Variants in FNTB observed in about 807,000 individuals in gnomAD.
FNTB encodes the protein farnesyltransferase, CAAX box, subunit beta.
Under a neutral mutation model 59.4 loss-of-function variants are expected in FNTB, and 27 were observed. That is an observed-to-expected ratio of 0.45 (90% CI 0.34 to 0.63). The LOEUF is 0.63. Among genes scored for constraint, FNTB ranks in the 20% least tolerant of loss-of-function variants. The probability of loss-of-function intolerance (pLI) is 0.02; values close to 1 mark genes in which losing one functional copy is unlikely to be tolerated. For missense variants in FNTB, 449 were observed against 559.6 expected (o/e 0.80, Z 1.99); for synonymous variants, 230 against 220.7 (o/e 1.04, Z -0.37).
chr14:65,022,044 G>C (rs915038835), intron 4 of FNTB: 1 of 455,922 alleles, frequency 2.2e-6, no homozygotes, highest in Non-Finnish European at 4.4e-6. Context: ...GTCTGACTCT[G>C]TGAGCAGCAG....
chr14:64,987,103 G>A lies in FNTB; in HGVS notation c.144+6G>A. The A allele has an allele frequency of 6.2e-7, 1 of 1,614,142 alleles. No homozygotes were observed. Among genetic ancestry groups the A allele is most frequent in the Non-Finnish European group, 8.5e-7 (1 of 1,180,044 alleles). On this transcript the variant is annotated splice_donor_region_variant and intron_variant, in intron 1 of 11. Transcript: ENST00000246166. ...CAGTCACGTCCATAGAACAGGTGAG[G>A]TGGCAGGACTGGGCGAGGCGCCCGC...
rs187452348 is a variant in FNTB at position 65,049,112 on chromosome 14, G to A, written c.956-4126G>A. ...GTTGCACTCCAGCCTGGGTAACAGG[G>A]CAGGACTCCGTCTAAAAAAAAAAAA... On this transcript the variant is annotated intron_variant, in intron 9 of 11. Transcript: ENST00000246166. Among the ~76,000 whole-genome samples the A allele has an allele frequency of 4.8e-4, 69 of 144,108 alleles. 1 individual carries two copies. Among genetic ancestry groups the A allele is most frequent in the Non-Finnish European group, 4.2e-4 (28 of 66,396 alleles). The allele number at this position is 144,108 out of a possible 152,430, so 94.5% of individuals were successfully genotyped here. A position where few individuals can be genotyped will look rare whatever the true frequency, so the allele number is the denominator to read the frequency against.
chr14:64,987,324 A>G, intron 1 of FNTB: 1 of 591,260 alleles, frequency 1.7e-6, no homozygotes, highest in South Asian at 2.0e-5. Context: ...CTTGGAGGAG[A>G]GGGCAGTAGC....
At chr14:65,002,896 C>A (rs1022058845) in intron 1 of FNTB, among the ~76,000 whole-genome samples, 2 of 152,178 alleles carry the variant, frequency 1.3e-5, no homozygotes, top group Non-Finnish European at 2.9e-5. Flanking sequence ...TGCTGGACTT[C>A]AAAGTCTGAA....
In FNTB at chr14:64,986,965, G is replaced by A. The variant is rs749196775; in HGVS notation, c.12G>A (p.Pro4=). MAS[P]SSFTYYCPPS... ...CTGCTCTCCTGATCATGGCTTCTCCGAGTTCTTTCACCTACTATTGCCCTC... is the reference window on the plus strand; with the variant it reads ...CTGCTCTCCTGATCATGGCTTCTCCAAGTTCTTTCACCTACTATTGCCCTC... The change falls in exon 1 of 12, where the codon CCG becomes CCA. Residue 4 remains proline, a synonymous_variant. Coordinates refer to ENST00000246166, the MANE Select transcript of FNTB (RefSeq NM_002028.4). 5 of 1,614,222 alleles carry A rather than the reference G, an allele frequency of 3.1e-6. No homozygotes were observed. The highest frequency in any genetic ancestry group is 2.2e-5 in the South Asian group (2 of 91,090).
At chr14:65,037,402 CCTTTTT>C (rs1199770372) in intron 7 of FNTB, among the ~76,000 whole-genome samples, 349 of 14,512 alleles carry the variant, frequency 0.024, 139 homozygotes, top group East Asian at 0.064. Context: ...CACGCCGGGC[CCTTTTT>C]TTTTTTTTTT....
intron 8 of FNTB, among the ~76,000 whole-genome samples, chr14:65,043,649 C>T (rs1052293059): frequency 2.0e-5 from 3 of 151,250 alleles, no homozygotes; most frequent in Non-Finnish European, 2.9e-5. Context: ...GGTGAAACCC[C>T]GTCTCTACTA....
At chr14:65,008,509 G>A (rs143583815) in intron 2 of FNTB, among the ~76,000 whole-genome samples, 8 of 152,356 alleles carry the variant, frequency 5.3e-5, no homozygotes, top group African/African-American at 7.2e-5. Flanking sequence ...TACAGTTACC[G>A]ATGGGATAAT....
intron 7 of FNTB, among the ~76,000 whole-genome samples, chr14:65,035,954 C>T (rs953798400): frequency 2.0e-4 from 30 of 151,082 alleles, no homozygotes; most frequent in African/African-American, 7.3e-4. Flanking sequence ...ACCTCAGCCT[C>T]CTGAGTAGCA....
rs577970252 is a variant in FNTB, at chr14:64,997,799, A to G, written c.145-6450A>G. Reference sequence around the variant, plus strand: ...TTGGTAAGAGTTCCTAGTGGCTTAGAGTCATCCTTGTCTCCCTGGTACAGA... The same window carrying G: ...TTGGTAAGAGTTCCTAGTGGCTTAGGGTCATCCTTGTCTCCCTGGTACAGA... On this transcript the variant is annotated intron_variant, in intron 1 of 11. Coordinates refer to ENST00000246166, the MANE Select transcript of FNTB (RefSeq NM_002028.4). The surrounding 1 kb of genome is among the most constrained non-coding windows in gnomAD (Gnocchi z 4.5). 6.6e-6 allele frequency among the ~76,000 whole-genome samples: 1 copy of G among 152,336 alleles called. No individual in the cohort carries two copies. Among genetic ancestry groups the G allele is most frequent in the South Asian group, 2.1e-4 (1 of 4,826 alleles).
In FNTB at chr14:65,031,741, C is replaced by T. The variant is rs549763067; in HGVS notation, c.606-869C>T. Among the ~76,000 whole-genome samples, 3 of 152,082 alleles carry T rather than the reference C, an allele frequency of 2.0e-5. No homozygotes were observed. The highest frequency in any genetic ancestry group is 3.9e-4 in the East Asian group (2 of 5,132). On this transcript the variant is annotated intron_variant, in intron 6 of 11. Coordinates refer to ENST00000246166, the MANE Select transcript of FNTB (RefSeq NM_002028.4). This position sits in a 1 kb window ranked among gnomAD's most constrained non-coding sequence, Gnocchi z 4.6. ...TTTGAAACCAGCCTAGCCAACATGG[C>T]GAAACCCCATCTCCACTAAAAATAG...
rs1317544711 is a variant in FNTB, at chr14:64,994,575, G to A, written c.144+7478G>A. Among the ~76,000 whole-genome samples, 2 of 152,120 alleles carry A rather than the reference G, an allele frequency of 1.3e-5. No homozygotes were observed. Among genetic ancestry groups the A allele is most frequent in the African/African-American group, 2.4e-5 (1 of 41,432 alleles). On this transcript the variant is annotated intron_variant, in intron 1 of 11. Transcript: ENST00000246166. The surrounding 1 kb of genome is among the most constrained non-coding windows in gnomAD (Gnocchi z 4.2). Reference sequence around the variant, plus strand: ...TACTGCAGGCAATTGGAACACAATGGTAAATATTTTTGTATCTAAACATAT... The same window carrying A: ...TACTGCAGGCAATTGGAACACAATGATAAATATTTTTGTATCTAAACATAT...
At position 65,040,958 on chromosome 14, in the gene FNTB, G is replaced by C. The variant is rs184424696; in HGVS notation, c.822+39G>C. 386 of 1,605,456 alleles carry C rather than the reference G, an allele frequency of 2.4e-4. No individual in the cohort carries two copies. In the African/African-American group the frequency reaches 4.5e-3, roughly 19 times the overall value. Reference sequence around the variant, plus strand: ...GAGCCATCCCCCTCTCAGGCCCCAGGTCATGGTGATGTGATTGTACTCAGA... The same window carrying C: ...GAGCCATCCCCCTCTCAGGCCCCAGCTCATGGTGATGTGATTGTACTCAGA... On this transcript the variant is annotated intron_variant, in intron 8 of 11. Transcript: ENST00000246166.
At chr14:65,006,281 T>C (rs1282847554) in intron 2 of FNTB, 1 of 1,613,774 alleles carries the variant, frequency 6.2e-7, no homozygotes, top group South Asian at 1.1e-5. Context: ...TTCATCTTTG[T>C]TCCCTGGGGA....
At chr14:65,037,795 TATTG>T (rs2062246563) in intron 7 of FNTB, among the ~76,000 whole-genome samples, 1 of 137,800 alleles carries the variant, frequency 7.3e-6, no homozygotes, top group Non-Finnish European at 1.5e-5. Context: ...TTTATTTATT[TATTG>T]AGATGGTGCC....
At chr14:65,024,925 TTTTG>T (rs368764031) in intron 4 of FNTB, among the ~76,000 whole-genome samples, 89 of 152,302 alleles carry the variant, frequency 5.8e-4, no homozygotes, top group African/African-American at 1.9e-3. Flanking sequence ...GGCTCCTTTT[TTTTG>T]TTTGTTTGTT....
chr14:65,037,745 TTTATTTATTTA>T (rs2062240090), intron 7 of FNTB, among the ~76,000 whole-genome samples: 2 of 55,066 alleles, frequency 3.6e-5, no homozygotes, highest in African/African-American at 1.4e-4. Flanking sequence ...TTATTTATTA[TTTATTTATTTA>T]TTTATTTATT....
Position 65,027,814 on chromosome 14 carries a change from G to A in FNTB, c.605+33G>A. ...GGGTTTTGCACAGGCTGCCACATCA[G>A]TTGACTCTAGAGCTCATCTGCCATT... On this transcript the variant is annotated intron_variant, in intron 6 of 11. Transcript: ENST00000246166. The surrounding 1 kb of genome is among the most constrained non-coding windows in gnomAD (Gnocchi z 5.7). The A allele has an allele frequency of 6.2e-7, 1 of 1,613,606 alleles. No individual in the cohort carries two copies. The highest frequency in any genetic ancestry group is 8.5e-7 in the Non-Finnish European group (1 of 1,179,794).
At chr14:65,006,867 T>G (rs1194295265) in intron 2 of FNTB, among the ~76,000 whole-genome samples, 1 of 152,146 alleles carries the variant, frequency 6.6e-6, no homozygotes, top group Non-Finnish European at 1.5e-5. Flanking sequence ...GAAGCAGTTG[T>G]TTTTTGAGAG....
Sources: gnomAD v4.1 joint callset for allele counts (sites outside exome capture counted in the v4.1 genomes callset) on GRCh38, gnomAD v4.1.1 for gene constraint, Gnocchi (gnomAD v3.1) non-coding constraint, MANE v1.5 for transcripts, NCBI Gene and HGNC (gene_info 2026-07-23, HGNC 2026-07-21) for gene names.